CUX1: variants seen among roughly 807,000 people sequenced by gnomAD.
CUX1 encodes cut like homeobox 1.
A neutral mutation model predicts 158.8 loss-of-function variants in CUX1; 31 were observed. The observed-to-expected ratio is 0.20, with a 90% confidence interval of 0.15 to 0.26. CUX1 has a LOEUF of 0.26. Among genes scored for constraint, CUX1 ranks in the 10% least tolerant of loss-of-function variants. The pLI is 1.00. For missense variants in CUX1, 1,589 were observed against 2,014.6 expected, an observed-to-expected ratio of 0.79 and a Z score of 4.04; for synonymous variants, 879 against 862.1, an observed-to-expected ratio of 1.02 and a Z score of -0.34.
At chr7:102,114,876 T>C (rs552080956) in intron 7 of CUX1, among the ~76,000 whole-genome samples, 1 of 151,418 alleles carries the variant, frequency 6.6e-6, no homozygotes, top group East Asian at 1.9e-4. Flanking sequence ...GTGAGAAAAC[T>C]TGTCTCTTAA....
chr7:102,228,995 C>T (rs782270282), intron 21 of CUX1, among the ~76,000 whole-genome samples: 2 of 152,214 alleles, frequency 1.3e-5, no homozygotes, highest in Non-Finnish European at 1.5e-5. Flanking sequence ...GGAGTAACCA[C>T]GCCTGCCTGG....
intron 3 of CUX1, among the ~76,000 whole-genome samples, chr7:102,030,036 A>G (rs1482482703): frequency 6.7e-6 from 1 of 149,024 alleles, no homozygotes; most frequent in South Asian, 2.1e-4. Flanking sequence ...TTTGAGACAG[A>G]TTTTCACTCT....
chr7:102,155,140 T>C (rs1314579975), intron 8 of CUX1, among the ~76,000 whole-genome samples: 1 of 152,112 alleles, frequency 6.6e-6, no homozygotes, highest in African/African-American at 2.4e-5. Context: ...GAAACACTAG[T>C]GGAGCTAGTG....
chr7:102,260,192 G>A (rs1341869743), downstream of CUX1, among the ~76,000 whole-genome samples: 10 of 151,166 alleles, frequency 6.6e-5, no homozygotes, highest in Non-Finnish European at 1.2e-4. Flanking sequence ...CTCCTCCCAG[G>A]CTTAAGCAAC....
intron 9 of CUX1, among the ~76,000 whole-genome samples, chr7:102,169,243 A>G (rs1233322115): frequency 6.6e-6 from 1 of 151,500 alleles, no homozygotes; most frequent in Non-Finnish European, 1.5e-5. Context: ...AATTTTTTGT[A>G]TTTTTAGTAG....
rs1554520006 is a variant in CUX1 at position 102,202,087 on chromosome 7, G to A, written c.2790G>A (p.Leu930=). The change falls in exon 18 of 24, where the codon CTG becomes CTA. Residue 930 remains leucine (L), a synonymous_variant. Transcript: ENST00000292535. ...SKPTKPSVPP[L]TPEQYEVYMY... is the part of the protein sequence containing the mutation. Reference sequence around the variant, plus strand: ...CCACCAAGCCCTCGGTCCCCCCGCTGACCCCCGAGCAGTACGAGGTCTACA... The same window carrying A: ...CCACCAAGCCCTCGGTCCCCCCGCTAACCCCCGAGCAGTACGAGGTCTACA... The A allele has an allele frequency of 6.2e-7, 1 of 1,614,090 alleles. No individual in the cohort carries two copies. The highest frequency in any genetic ancestry group is 1.1e-5 in the South Asian group (1 of 91,078).
intron 2 of CUX1, among the ~76,000 whole-genome samples, chr7:101,990,972 A>G (rs1815037650): frequency 6.6e-6 from 1 of 152,114 alleles, no homozygotes; most frequent in African/African-American, 2.4e-5. Flanking sequence ...TCAGATATGT[A>G]TTTCCGCATC....
chr7:102,166,787 T>C (rs1791088722), intron 9 of CUX1, among the ~76,000 whole-genome samples: 1 of 152,126 alleles, frequency 6.6e-6, no homozygotes, highest in South Asian at 2.1e-4. Flanking sequence ...TTTTGTGAGT[T>C]TTGTATTTTT....
At chr7:101,977,592 A>G (rs894529861) in intron 2 of CUX1, among the ~76,000 whole-genome samples, 1 of 152,064 alleles carries the variant, frequency 6.6e-6, no homozygotes, top group African/African-American at 2.4e-5. Context: ...CAGGTTAGCT[A>G]TGATCGTGCC....
intron 1 of CUX1, among the ~76,000 whole-genome samples, chr7:101,904,248 T>C (rs1030046119): frequency 6.6e-6 from 1 of 152,142 alleles, no homozygotes; most frequent in Non-Finnish European, 1.5e-5. Context: ...TGCAGTAAAC[T>C]GTGATTGCAT....
chr7:101,859,204 G>A (rs554478419), intron 1 of CUX1, among the ~76,000 whole-genome samples: 1 of 152,302 alleles, frequency 6.6e-6, no homozygotes, highest in South Asian at 2.1e-4. Flanking sequence ...GAGCCCTAGA[G>A]TAACTCAGCA....
chr7:101,996,455 G>A (rs978423626), intron 2 of CUX1, among the ~76,000 whole-genome samples: 2 of 152,094 alleles, frequency 1.3e-5, no homozygotes, highest in African/African-American at 4.8e-5. Flanking sequence ...ACAGCACGTT[G>A]TGTTTTTCTG....
At chr7:101,978,578 A>G (rs1813012045) in intron 2 of CUX1, among the ~76,000 whole-genome samples, 7 of 152,236 alleles carry the variant, frequency 4.6e-5, no homozygotes, top group Admixed American at 4.6e-4. Context: ...TTTCTAACGA[A>G]TGCAGTTCAG....
In CUX1 at chr7:102,249,445, A is replaced by ACGGAAATGTGTGGT. The variant is rs1308756522; in HGVS notation, c.*406_*419dup. 1.0e-6 allele frequency: 1 copy of ACGGAAATGTGTGGT among 984,480 alleles called. No individual in the cohort carries two copies. Among genetic ancestry groups the ACGGAAATGTGTGGT allele is most frequent in the Non-Finnish European group, 1.2e-6 (1 of 828,696 alleles). The allele number at this position is 984,480 out of a possible 1,614,324, so 61.0% of individuals were successfully genotyped here. A position where few individuals can be genotyped will look rare whatever the true frequency, so the allele number is the denominator to read the frequency against. Reference sequence around the variant, plus strand: ...CTATGTCGTGTTTTCAAGGAAGAAAACGGAAATGTGTGGTCGAGCTTTTTT... The same window carrying ACGGAAATGTGTGGT: ...CTATGTCGTGTTTTCAAGGAAGAAAACGGAAATGTGTGGTCGGAAATGTGTGGTCGAGCTTTTTT... On this transcript the variant is annotated 3_prime_UTR_variant, in exon 24 of 24. Transcript: ENST00000292535.
chr7:101,868,286 T>G (rs1798130542), intron 1 of CUX1, among the ~76,000 whole-genome samples: 1 of 152,166 alleles, frequency 6.6e-6, no homozygotes, highest in African/African-American at 2.4e-5. Context: ...CCATCCCCAG[T>G]CCCTTTACGG....
chr7:102,221,151 C>G (rs1442971339), intron 20 of CUX1, among the ~76,000 whole-genome samples: 1 of 152,182 alleles, frequency 6.6e-6, no homozygotes, highest in Non-Finnish European at 1.5e-5. Flanking sequence ...GGCATGGGCT[C>G]AAAGCCGAAA....
At chr7:101,818,838 G>A (rs1792169890) in intron 1 of CUX1, 1 of 152,234 alleles carries the variant, frequency 6.6e-6, no homozygotes, top group Non-Finnish European at 1.5e-5. Context: ...AATAGAACGA[G>A]TTTGGGAGAG....
At chr7:101,999,735 C>T (rs867755956) in intron 2 of CUX1, among the ~76,000 whole-genome samples, 1 of 152,220 alleles carries the variant, frequency 6.6e-6, no homozygotes, top group African/African-American at 2.4e-5. Context: ...CTGCCCCATA[C>T]ACAGTTGGGC....
At chr7:102,225,409 T>C (rs1250682172) in intron 20 of CUX1, among the ~76,000 whole-genome samples, 10 of 152,232 alleles carry the variant, frequency 6.6e-5, no homozygotes. Flanking sequence ...CTGGATACAG[T>C]ATGTCCAGAA....
Sources: gnomAD v4.1 joint callset for allele counts (sites outside exome capture counted in the v4.1 genomes callset) on GRCh38, gnomAD v4.1.1 for gene constraint, MANE v1.5 for transcripts, NCBI Gene and HGNC (gene_info 2026-07-23, HGNC 2026-07-21) for gene names.